PDS5A: variants seen among roughly 807,000 people sequenced by gnomAD.
PDS5A encodes the protein sister chromatid cohesion protein PDS5 homolog A.
A neutral mutation model predicts 167.1 loss-of-function variants in PDS5A; 42 were observed. That is an observed-to-expected ratio of 0.25 (90% confidence interval 0.20 to 0.33). PDS5A has a LOEUF of 0.33. PDS5A is among the 10% of genes least tolerant of loss of function. PDS5A has a pLI of 1.00. For missense variants in PDS5A, 1,033 were observed against 1,605.9 expected (o/e 0.64, Z 6.10); for synonymous variants, 553 against 554.6 (o/e 1.00, Z 0.04).
chr4:39,926,708 G>A, intron 4 of PDS5A, 67 bp downstream of exon 4: 1 of 1,086,900 alleles, frequency 9.2e-7, no homozygotes, highest in East Asian at 3.2e-5. Flanking sequence ...ACATTACAAA[G>A]TTAACATGAA....
At position 39,839,267 on chromosome 4, in the gene PDS5A, G is replaced by T. The variant is rs566046833; in HGVS notation, c.3658-1059C>A. On this transcript the variant is annotated intron_variant, in intron 31 of 32. Coordinates refer to ENST00000303538, the MANE Select transcript of PDS5A (RefSeq NM_001100399.2). ...AGCAGAAAGAGTTTAGATAGCAAGA[G>T]ATTGATCTAAAAATGTAACGTCGGG... Among the ~76,000 whole-genome samples, 57 of 152,038 alleles carry T rather than the reference G, an allele frequency of 3.7e-4. No homozygotes were observed. In the South Asian group the frequency reaches 0.011, roughly 30 times the overall value.
At chr4:39,939,364 G>A (rs1028720543) in intron 2 of PDS5A, among the ~76,000 whole-genome samples, 12 of 152,156 alleles carry the variant, frequency 7.9e-5, no homozygotes, top group Non-Finnish European at 1.6e-4. Context: ...CTACTCAAGA[G>A]AATGAGATGG....
At chr4:39,844,303 C>T (rs1424507386) in intron 30 of PDS5A, among the ~76,000 whole-genome samples, 1 of 151,614 alleles carries the variant, frequency 6.6e-6, no homozygotes, top group Non-Finnish European at 1.5e-5. Flanking sequence ...GGTGAAACAC[C>T]GTCTCTACTA....
At chr4:39,919,588 T>C (rs976942366) in intron 7 of PDS5A, among the ~76,000 whole-genome samples, 1 of 152,108 alleles carries the variant, frequency 6.6e-6, no homozygotes, top group Non-Finnish European at 1.5e-5. Context: ...GAGCTTGCAA[T>C]GAGCCGAGAA....
At chr4:39,896,203 C>A (rs748882319) in intron 16 of PDS5A, among the ~76,000 whole-genome samples, 1 of 151,696 alleles carries the variant, frequency 6.6e-6, no homozygotes, top group Non-Finnish European at 1.5e-5. Flanking sequence ...CCACCATGTG[C>A]AGCTAGTTTT....
chr4:39,911,593 G>A (rs1473251835), intron 9 of PDS5A, among the ~76,000 whole-genome samples: 1 of 152,102 alleles, frequency 6.6e-6, no homozygotes, highest in Non-Finnish European at 1.5e-5. Flanking sequence ...AGCACTTTGG[G>A]AGGCCGAGGC....
chr4:39,843,263 C>T (rs1717227353), intron 30 of PDS5A, among the ~76,000 whole-genome samples: 1 of 151,992 alleles, frequency 6.6e-6, no homozygotes, highest in Non-Finnish European at 1.5e-5. Flanking sequence ...ACTTGAACTT[C>T]TGGGCTCAAG....
chr4:39,898,166 A>T, intron 16 of PDS5A: 1 of 1,234,578 alleles, frequency 8.1e-7, no homozygotes, highest in Non-Finnish European at 1.0e-6. Flanking sequence ...TAAAATTCCT[A>T]AGACCAATCT....
At chr4:39,853,997 T>A (rs1718328202) in intron 26 of PDS5A, among the ~76,000 whole-genome samples, 1 of 152,204 alleles carries the variant, frequency 6.6e-6, no homozygotes, top group African/African-American at 2.4e-5. Flanking sequence ...GCTGGTATCT[T>A]CATTTGTAAA....
intron 2 of PDS5A, among the ~76,000 whole-genome samples, chr4:39,963,872 T>C (rs1289417621): frequency 2.0e-5 from 3 of 151,520 alleles, no homozygotes; most frequent in East Asian, 1.9e-4. Context: ...CGTCAAGAAA[T>C]AGATATATAA....
chr4:39,910,346 G>GA lies in PDS5A; in HGVS notation c.993-9dup, dbSNP rs35006378. The GA allele has an allele frequency of 4.5e-6, 6 of 1,347,838 alleles. No homozygotes were observed. In the East Asian group the frequency reaches 1.2e-4, roughly 26 times the overall value. The allele number at this position is 1,347,838 out of a possible 1,614,324, so 83.5% of individuals were successfully genotyped here. A position where few individuals can be genotyped will look rare whatever the true frequency, so the allele number is the denominator to read the frequency against. ...ACATGAATATCATTAAATCTACACA[G>GA]AAAAAGATTGCTAAACATTAATTGT... On this transcript the variant is annotated splice_polypyrimidine_tract_variant and intron_variant, in intron 9 of 32. Coordinates refer to ENST00000303538, the MANE Select transcript of PDS5A (RefSeq NM_001100399.2).
chr4:39,901,243 GAC>G (rs1214905137), intron 13 of PDS5A, among the ~76,000 whole-genome samples: 2 of 149,948 alleles, frequency 1.3e-5, no homozygotes, highest in African/African-American at 4.9e-5. Flanking sequence ...CTGCCAAAAT[GAC>G]AGTCTTTTTT....
chr4:39,932,490 G>A (rs186421337), intron 2 of PDS5A: 2 of 227,454 alleles, frequency 8.8e-6, no homozygotes, highest in Admixed American at 8.3e-5. Context: ...TGGCTGTGAA[G>A]GTCCTGATGC....
chr4:39,921,032 T>A (rs1400680809), intron 6 of PDS5A, among the ~76,000 whole-genome samples: 2 of 152,224 alleles, frequency 1.3e-5, no homozygotes, highest in Non-Finnish European at 2.9e-5. Context: ...TTAACATTGC[T>A]ATATCTTGAA....
At chr4:39,898,639 C>A (rs954629995) in intron 15 of PDS5A, 111 bp from the exon 16 acceptor site, 1 of 936,350 alleles carries the variant, frequency 1.1e-6, no homozygotes, top group African/African-American at 1.7e-5. Flanking sequence ...AGAAAATCAG[C>A]CTAGCTGGTT....
Position 39,972,697 on chromosome 4 carries a change from A to G in PDS5A, c.138+3743T>C, listed in dbSNP as rs1445025452. On this transcript the variant is annotated intron_variant, in intron 2 of 32. Transcript: ENST00000303538. ...TCCTTTTTTTTTTTTTCACTGTTTA[A>G]GGAATTTTTTATTAAAAAAAGAATT... 2.6e-5 allele frequency among the ~76,000 whole-genome samples: 4 copies of G among 151,742 alleles called. No individual in the cohort carries two copies. In the East Asian group the frequency reaches 7.7e-4, roughly 29 times the overall value.
chr4:39,877,628 AT>A (rs561887554), intron 18 of PDS5A, among the ~76,000 whole-genome samples: 1,736 of 149,084 alleles, frequency 0.012, 20 homozygotes, highest in Middle Eastern at 0.059. Context: ...ATCTATGAGA[AT>A]TTTTTTTTTT....
At chr4:39,870,995 A>G (rs1022843286) in intron 21 of PDS5A, among the ~76,000 whole-genome samples, 2 of 152,214 alleles carry the variant, frequency 1.3e-5, no homozygotes, top group African/African-American at 2.4e-5. Context: ...CCACAAAAGG[A>G]ACAACATTCT....
chr4:39,929,519 C>CTATATATATA lies in PDS5A; in HGVS notation c.139-1365_139-1356dup, dbSNP rs58069502. Among the ~76,000 whole-genome samples, 656 of 79,140 alleles carry CTATATATATA rather than the reference C, an allele frequency of 8.3e-3. 20 individuals carry two copies. The highest frequency in any genetic ancestry group is 0.028 in the African/African-American group (319 of 11,332). The allele number at this position is 79,140 out of a possible 152,430, so 51.9% of individuals were successfully genotyped here. On this transcript the variant is annotated intron_variant, in intron 2 of 32. Coordinates refer to ENST00000303538, the MANE Select transcript of PDS5A (RefSeq NM_001100399.2). ...GCCTTGTGAGTTAATACTTAATAAACTATATATATATATATATATATATAT... is the reference window on the plus strand; with the variant it reads ...GCCTTGTGAGTTAATACTTAATAAACTATATATATATATATATATATATATATATATATAT...
Sources: allele counts gnomAD v4.1 joint callset (sites outside exome capture counted in the v4.1 genomes callset), GRCh38; gene constraint gnomAD v4.1.1; transcripts MANE v1.5; gene names NCBI Gene and HGNC (gene_info 2026-07-23, HGNC 2026-07-21).